The following PSTPIP2 variants were observed in gnomAD, a reference collection of about 807,000 sequenced individuals.
PSTPIP2 encodes the protein proline-serine-threonine phosphatase-interacting protein 2.
In PSTPIP2, 33 loss-of-function variants were observed where a neutral mutation model predicts 63.3. That is an observed-to-expected ratio of 0.52 (90% CI 0.40 to 0.70). The LOEUF (loss-of-function observed/expected upper bound fraction) is 0.70, where lower values mean the gene tolerates loss of function less well. Among genes scored for constraint, PSTPIP2 ranks in the 30% least tolerant of loss-of-function variants. The probability of loss-of-function intolerance (pLI) is 0.00; values close to 1 mark genes in which losing one functional copy is unlikely to be tolerated. For missense variants in PSTPIP2, 312 were observed against 400.7 expected, an observed-to-expected ratio of 0.78 and a Z score of 1.89; for synonymous variants, 125 against 132.7, an observed-to-expected ratio of 0.94 and a Z score of 0.40.
intron 1 of PSTPIP2, among the ~76,000 whole-genome samples, chr18:46,064,697 T>C (rs1909119547): frequency 6.6e-6 from 1 of 151,928 alleles, no homozygotes; most frequent in South Asian, 2.1e-4. Flanking sequence ...GGCATGAAAT[T>C]ATCACTGCAG....
intron 4 of PSTPIP2, 132 bp from the exon 5 acceptor site, chr18:46,011,419 C>T: frequency 1.4e-6 from 1 of 706,186 alleles, no homozygotes; most frequent in Non-Finnish European, 2.3e-6. Flanking sequence ...TTCATTTGGT[C>T]ACCAACATGT....
intron 6 of PSTPIP2, among the ~76,000 whole-genome samples, chr18:46,000,418 G>C (rs1213541223): frequency 1.3e-5 from 2 of 152,158 alleles, no homozygotes; most frequent in Admixed American, 6.6e-5. Context: ...ACAAGCAGGA[G>C]TGCAGTAGTG....
At chr18:46,046,918 A>G (rs997112385) in intron 1 of PSTPIP2, among the ~76,000 whole-genome samples, 3 of 152,266 alleles carry the variant, frequency 2.0e-5, no homozygotes, top group Admixed American at 6.5e-5. Context: ...AGGGTGCATA[A>G]GTGCGCTGCA....
At chr18:46,029,294 G>C (rs778404917) in intron 2 of PSTPIP2, 15 of 1,463,860 alleles carry the variant, frequency 1.0e-5, no homozygotes, top group Non-Finnish European at 1.2e-5. Context: ...GCATTGCTGG[G>C]TATTTGCATT....
chr18:45,993,017 T>G (rs1213685148), intron 10 of PSTPIP2, among the ~76,000 whole-genome samples: 1 of 151,926 alleles, frequency 6.6e-6, no homozygotes, highest in Non-Finnish European at 1.5e-5. Flanking sequence ...TAAGCCACCG[T>G]GCCCAGCCTA....
intron 5 of PSTPIP2, chr18:46,010,885 T>C (rs1159234236): frequency 6.4e-6 from 2 of 311,998 alleles, no homozygotes; most frequent in Non-Finnish European, 1.2e-5. Flanking sequence ...CTAGAGTCTA[T>C]TGAATTCAGA....
At chr18:46,059,209 A>C (rs915280293) in intron 1 of PSTPIP2, among the ~76,000 whole-genome samples, 2 of 150,346 alleles carry the variant, frequency 1.3e-5, no homozygotes, top group Non-Finnish European at 3.0e-5. Context: ...GCTAATTTTC[A>C]TATTTTTAAT....
chr18:46,021,848 CAAAAAAAAAAAAAAAA>C (rs59094808), intron 3 of PSTPIP2, among the ~76,000 whole-genome samples: 2 of 33,286 alleles, frequency 6.0e-5, no homozygotes, highest in African/African-American at 1.8e-4. Flanking sequence ...GACTCTGTCT[CAAAAAAAAAAAAAAAA>C]AAAAAAAAAA....
chr18:46,040,612 CCTTT>C (rs1908157008), intron 1 of PSTPIP2, among the ~76,000 whole-genome samples: 1 of 152,190 alleles, frequency 6.6e-6, no homozygotes, highest in Non-Finnish European at 1.5e-5. Context: ...GCAATAAATG[CCTTT>C]CTTTCTGTAA....
chr18:46,043,987 A>G (rs890023105), intron 1 of PSTPIP2, among the ~76,000 whole-genome samples: 1 of 152,220 alleles, frequency 6.6e-6, no homozygotes, highest in Non-Finnish European at 1.5e-5. Flanking sequence ...AAGAAATGGA[A>G]GAAGACCTAA....
At chr18:46,018,687 T>A (rs1161127143) in intron 3 of PSTPIP2, among the ~76,000 whole-genome samples, 3 of 152,054 alleles carry the variant, frequency 2.0e-5, no homozygotes, top group Non-Finnish European at 4.4e-5. Flanking sequence ...TTTTCTCTGG[T>A]TTAGCCTTTC....
intron 1 of PSTPIP2, among the ~76,000 whole-genome samples, chr18:46,070,364 C>T (rs1034246956): frequency 3.3e-5 from 5 of 152,338 alleles, no homozygotes; most frequent in South Asian, 2.1e-4. Flanking sequence ...TCACCCTCTC[C>T]GCTAAGACCT....
chr18:46,062,999 C>T (rs1419878894), intron 1 of PSTPIP2, among the ~76,000 whole-genome samples: 1 of 152,146 alleles, frequency 6.6e-6, no homozygotes, highest in Non-Finnish European at 1.5e-5. Context: ...AGCCCTCATA[C>T]TCAAAAGACA....
At chr18:45,992,006 G>A in intron 11 of PSTPIP2, 23 bp from the exon 12 acceptor site, 1 of 1,602,450 alleles carries the variant, frequency 6.2e-7, no homozygotes, top group African/African-American at 1.3e-5. Flanking sequence ...CCAAGAAACA[G>A]GACATGAAGA....
intron 1 of PSTPIP2, among the ~76,000 whole-genome samples, chr18:46,052,437 T>C (rs1403901399): frequency 6.6e-6 from 1 of 152,176 alleles, no homozygotes; most frequent in Non-Finnish European, 1.5e-5. Context: ...TATGACACCA[T>C]ATAACTTTGA....
At chr18:46,022,433 T>C (rs891299792) in intron 3 of PSTPIP2, among the ~76,000 whole-genome samples, 4 of 152,124 alleles carry the variant, frequency 2.6e-5, no homozygotes, top group Admixed American at 2.6e-4. Context: ...CAGAGCAGGA[T>C]ACAGGAAAGT....
intron 2 of PSTPIP2, chr18:46,029,484 A>C (rs1907712272): frequency 1.0e-6 from 1 of 1,001,020 alleles, no homozygotes; most frequent in Admixed American, 1.7e-5. Flanking sequence ...GGCAGTTTAT[A>C]TGGATTAAGC....
chr18:45,997,783 T>C lies in PSTPIP2; in HGVS notation c.608A>G (p.Glu203Gly), dbSNP rs2051616899. ...CTTGATGTGCTCACTCTGCCACTCTTCTCGGACCTTATCCAGGGTGCCGAT... is the reference window on the plus strand; with the variant it reads ...CTTGATGTGCTCACTCTGCCACTCTCCTCGGACCTTATCCAGGGTGCCGAT... ...LHIGTLDKVR[E>G]EWQSEHIKAC... Residue 203 changes from glutamate (E) to glycine (G), a missense_variant, in exon 9 of 15, where the codon GAA (glutamate) becomes GGA (glycine). Coordinates refer to ENST00000409746, the MANE Select transcript of PSTPIP2 (RefSeq NM_024430.4). 1 of 1,510,780 alleles carries C rather than the reference T, an allele frequency of 6.6e-7. No homozygotes were observed. The highest frequency in any genetic ancestry group is 8.9e-7 in the Non-Finnish European group (1 of 1,119,972). The allele number at this position is 1,510,780 out of a possible 1,614,324, so 93.6% of individuals were successfully genotyped here.
At chr18:46,009,988 C>T (rs2051778116) in intron 5 of PSTPIP2, among the ~76,000 whole-genome samples, 2 of 152,158 alleles carry the variant, frequency 1.3e-5, no homozygotes, top group South Asian at 4.1e-4. Context: ...CAGGGTGTTC[C>T]CATGTTCATT....
Sources: gnomAD v4.1 joint callset for allele counts (sites outside exome capture counted in the v4.1 genomes callset) on GRCh38, gnomAD v4.1.1 for gene constraint, MANE v1.5 for transcripts, NCBI Gene and HGNC (gene_info 2026-07-23, HGNC 2026-07-21) for gene names.